Variants in PTPN12 observed in about 807,000 individuals in gnomAD.
PTPN12 encodes the protein tyrosine-protein phosphatase non-receptor type 12.
Under a neutral mutation model 97.6 loss-of-function variants are expected in PTPN12, and 29 were observed. That is an observed-to-expected ratio of 0.30 (90% CI 0.22 to 0.41). The LOEUF is 0.41. Among genes scored for constraint, PTPN12 ranks in the 10% least tolerant of loss-of-function variants. PTPN12 has a pLI of 1.00. For synonymous variants in PTPN12, 327 were observed against 300.4 expected, an observed-to-expected ratio of 1.09 and a Z score of -0.91; for missense variants, 819 against 926.0, an observed-to-expected ratio of 0.88 and a Z score of 1.50.
intron 5 of PTPN12, among the ~76,000 whole-genome samples, chr7:77,586,023 G>T (rs1263314146): frequency 6.6e-6 from 1 of 151,938 alleles, no homozygotes; most frequent in African/African-American, 2.4e-5. Context: ...GTACAATCTT[G>T]GCTCACTGCA....
At chr7:77,598,767 G>A (rs1045472525) in intron 7 of PTPN12, among the ~76,000 whole-genome samples, 1 of 151,192 alleles carries the variant, frequency 6.6e-6, no homozygotes, top group Non-Finnish European at 1.5e-5. Flanking sequence ...GGTAAAATGG[G>A]TTTGCTAGAA....
intron 1 of PTPN12, among the ~76,000 whole-genome samples, chr7:77,568,891 C>A (rs1369839671): frequency 1.3e-5 from 2 of 152,118 alleles, no homozygotes; most frequent in Non-Finnish European, 2.9e-5. Context: ...TCTAAAAATA[C>A]ATCTTTTCAG....
In PTPN12 at chr7:77,585,838, C is replaced by T. The variant is rs145269409; in HGVS notation, c.420+257C>T. Among the ~76,000 whole-genome samples, 941 of 152,184 alleles carry T rather than the reference C, an allele frequency of 6.2e-3. 8 individuals are homozygous for T. Among genetic ancestry groups the T allele is most frequent in the African/African-American group, 0.021 (890 of 41,518 alleles). Reference sequence around the variant, plus strand: ...GTTCAGTTCCAGACCACCACAATAGCGCAATTCAAACAAATTTTTTGTTTT... The same window carrying T: ...GTTCAGTTCCAGACCACCACAATAGTGCAATTCAAACAAATTTTTTGTTTT... On this transcript the variant is annotated intron_variant, in intron 5 of 17. Coordinates refer to ENST00000248594, the MANE Select transcript of PTPN12 (RefSeq NM_002835.4).
rs139163296 is a variant in PTPN12 at position 77,607,279 on chromosome 7, C to T, written c.740C>T (p.Thr247Met). ...GGTGCCATTTGTGCCATAGATTATA[C>T]GTGGAATTTACTAAAAGCTGGGGTA... ...RTGAICAIDY[T>M]WNLLKAGKIP... The change falls in exon 9 of 18, where the codon ACG becomes ATG. Residue 247 changes from threonine (T) to methionine (M), a missense_variant. Coordinates refer to ENST00000248594, the MANE Select transcript of PTPN12 (RefSeq NM_002835.4). 4 of 1,610,880 alleles carry T rather than the reference C, an allele frequency of 2.5e-6. No homozygotes were observed. Among genetic ancestry groups the T allele is most frequent in the East Asian group, 2.2e-5 (1 of 44,716 alleles).
At chr7:77,546,030 C>G (rs181379352) in intron 1 of PTPN12, among the ~76,000 whole-genome samples, 251 of 152,276 alleles carry the variant, frequency 1.6e-3, no homozygotes, top group African/African-American at 5.9e-3. Flanking sequence ...CTCCTGGGTT[C>G]AAGCAATTCT....
intron 14 of PTPN12, among the ~76,000 whole-genome samples, chr7:77,634,641 C>T (rs1789523238): frequency 6.6e-6 from 1 of 151,910 alleles, no homozygotes; most frequent in Non-Finnish European, 1.5e-5. Flanking sequence ...GACAGGGTTT[C>T]ACCGTGTTAG....
chr7:77,549,580 T>C (rs1446665845), intron 1 of PTPN12, among the ~76,000 whole-genome samples: 1 of 151,648 alleles, frequency 6.6e-6, no homozygotes, highest in Non-Finnish European at 1.5e-5. Flanking sequence ...TTTTGTTTGT[T>C]TGTTTTTTTT....
At position 77,639,371 on chromosome 7, in the gene PTPN12, G is replaced by A. The variant is rs1211470924; in HGVS notation, c.*91G>A. On this transcript the variant is annotated 3_prime_UTR_variant, in exon 18 of 18. Transcript: ENST00000248594. ...ATAGTATTCCATCTTTAATATGTGG[G>A]ACTAACAGCAGTGTAGATTGTTACC... 2.9e-6 allele frequency: 3 copies of A among 1,043,866 alleles called. No homozygotes were observed. Among genetic ancestry groups the A allele is most frequent in the East Asian group, 2.5e-5 (1 of 40,404 alleles). 64.7% of individuals were successfully genotyped at this position (1,043,866 alleles called of 1,614,324 possible). A position where few individuals can be genotyped will look rare whatever the true frequency, so the allele number is the denominator to read the frequency against.
At chr7:77,568,939 A>G (rs1584121414) in intron 1 of PTPN12, among the ~76,000 whole-genome samples, 1 of 152,328 alleles carries the variant, frequency 6.6e-6, no homozygotes, top group East Asian at 1.9e-4. Flanking sequence ...CAAACATTCT[A>G]ATTAAATGTG....
At chr7:77,610,643 G>C (rs1788539754) in intron 9 of PTPN12, 122 bp from the exon 10 acceptor site, 1 of 992,998 alleles carries the variant, frequency 1.0e-6, no homozygotes, top group Non-Finnish European at 1.5e-6. Flanking sequence ...TGCATTAAGT[G>C]GTGTTCAATA....
chr7:77,627,588 A>G lies in PTPN12; in HGVS notation c.1909A>G (p.Thr637Ala), dbSNP rs1789244680. ...TGCCACAGTTTCTGCTGCCACTAGT[A>G]CTGAAAGCATTTCTACTAGGAAAGT... ...ASATVSAATS[T>A]ESISTRKVLP... Residue 637 changes from threonine to alanine, a missense_variant, in exon 13 of 18, where the codon ACT (threonine) becomes GCT (alanine). This residue lies in a region of PTPN12 where 607 missense variants were observed against 577.3 expected (regional missense o/e 1.05). Transcript: ENST00000248594. 6.2e-7 allele frequency: 1 copy of G among 1,613,734 alleles called. No homozygotes were observed. Among genetic ancestry groups the G allele is most frequent in the Non-Finnish European group, 8.5e-7 (1 of 1,179,868 alleles).
intron 14 of PTPN12, 85 bp from the exon 15 acceptor site, chr7:77,635,697 T>C (rs1046868204): frequency 1.3e-6 from 1 of 770,850 alleles, no homozygotes; most frequent in Non-Finnish European, 1.9e-6. Context: ...CTAAAATCTT[T>C]AGGATCTGTT....
intron 8 of PTPN12, chr7:77,605,080 A>G (rs7807046): frequency 6.3e-6 from 1 of 158,104 alleles, no homozygotes; most frequent in African/African-American, 2.4e-5. Context: ...CTAAAATTCT[A>G]TAAATGTTTT....
At chr7:77,634,470 C>T (rs1023518642) in intron 14 of PTPN12, among the ~76,000 whole-genome samples, 8 of 151,962 alleles carry the variant, frequency 5.3e-5, no homozygotes, top group Non-Finnish European at 1.0e-4. Context: ...GATGGAGTCT[C>T]ATTCTGTCGC....
intron 4 of PTPN12, among the ~76,000 whole-genome samples, chr7:77,584,144 T>G (rs964499754): frequency 6.6e-6 from 1 of 152,228 alleles, no homozygotes; most frequent in African/African-American, 2.4e-5. Flanking sequence ...GCAGAGAAAT[T>G]AGAATACTGC....
chr7:77,576,604 C>T (rs149292568), intron 2 of PTPN12, among the ~76,000 whole-genome samples: 12 of 151,824 alleles, frequency 7.9e-5, no homozygotes, highest in South Asian at 4.2e-4. Flanking sequence ...GGCTGAGGCA[C>T]GAGAATCACT....
At chr7:77,584,014 A>C (rs1562728233) in intron 4 of PTPN12, among the ~76,000 whole-genome samples, 1 of 152,250 alleles carries the variant, frequency 6.6e-6, no homozygotes, top group Non-Finnish European at 1.5e-5. Context: ...ATATATAAAC[A>C]CATAACTATA....
chr7:77,610,597 G>A (rs561950527), intron 9 of PTPN12, among the ~76,000 whole-genome samples, 168 bp from the exon 10 acceptor site: 18 of 152,328 alleles, frequency 1.2e-4, no homozygotes, highest in African/African-American at 4.3e-4. Context: ...GTCAAGAACA[G>A]TTTTGTTTCC....
At chr7:77,567,244 G>A (rs1376107754) in intron 1 of PTPN12, among the ~76,000 whole-genome samples, 1 of 150,414 alleles carries the variant, frequency 6.6e-6, no homozygotes, top group East Asian at 1.9e-4. Flanking sequence ...TTAATCTGGT[G>A]GTAATTTTGT....
Sources: gnomAD v4.1 joint callset for allele counts (sites outside exome capture counted in the v4.1 genomes callset) on GRCh38, gnomAD v4.1.1 for gene constraint, gnomAD v4.1.1 regional missense constraint, MANE v1.5 for transcripts, NCBI Gene and HGNC (gene_info 2026-07-23, HGNC 2026-07-21) for gene names.